The following SULF1 variants were observed in gnomAD, a reference collection of about 807,000 sequenced individuals.
The protein encoded by SULF1 is sulfatase 1.
Under a neutral mutation model 110.5 loss-of-function variants are expected in SULF1, and 46 were observed. The observed-to-expected ratio is 0.42, with a 90% confidence interval of 0.33 to 0.53. The LOEUF (loss-of-function observed/expected upper bound fraction) is 0.53, where lower values mean the gene tolerates loss of function less well. Among genes scored for constraint, SULF1 ranks in the 20% least tolerant of loss-of-function variants. SULF1 has a pLI of 0.12. For missense variants in SULF1, 941 were observed against 1,094.2 expected (o/e 0.86, Z 1.98); for synonymous variants, 371 against 387.1 (o/e 0.96, Z 0.49).
At chr8:69,619,523 G>C (rs537716060) in intron 13 of SULF1, among the ~76,000 whole-genome samples, 16 of 152,326 alleles carry the variant, frequency 1.1e-4, no homozygotes, top group African/African-American at 3.8e-4. Context: ...TTAGTCCAGA[G>C]GCAATGTCAT....
At position 69,603,132 on chromosome 8, in the gene SULF1, C is replaced by T. The variant is rs913670948; in HGVS notation, c.1062-60C>T. On this transcript the variant is annotated intron_variant, in intron 10 of 22. Transcript: ENST00000402687. Reference sequence around the variant, plus strand: ...TGAGTCACTGCTGTAGAAAAAGCAGCCCTAAGTGCCACCTTCCCCTGGCAT... The same window carrying T: ...TGAGTCACTGCTGTAGAAAAAGCAGTCCTAAGTGCCACCTTCCCCTGGCAT... 7 of 1,606,650 alleles carry T rather than the reference C, an allele frequency of 4.4e-6. No individual in the cohort carries two copies. The African/African-American group carries it at 6.7e-5, about 15-fold the overall frequency.
chr8:69,559,638 C>A (rs888846011), intron 3 of SULF1, among the ~76,000 whole-genome samples: 4 of 152,146 alleles, frequency 2.6e-5, no homozygotes, highest in South Asian at 2.1e-4. Flanking sequence ...CTAAAAAATT[C>A]TTTTAAGTAA....
chr8:69,499,127 G>T (rs1277093810), intron 2 of SULF1, among the ~76,000 whole-genome samples: 1 of 152,134 alleles, frequency 6.6e-6, no homozygotes, highest in Admixed American at 6.5e-5. Flanking sequence ...CCAAACTGCT[G>T]GGATTACAGG....
chr8:69,624,060 A>T lies in SULF1; in HGVS notation c.1713A>T (p.Arg571Ser). 1 of 1,614,206 alleles carries T rather than the reference A, an allele frequency of 6.2e-7. No homozygotes were observed. Among genetic ancestry groups the T allele is most frequent in the South Asian group, 1.1e-5 (1 of 91,080 alleles). Reference protein sequence around the residue: ...EEEELQVLQPRNIAKRHDEGH... With the variant: ...EEEELQVLQPSNIAKRHDEGH... ...AAGAATTGCAAGTGTTGCAACCAAG[A>T]AACATTGCTAAGCGTCATGATGAAG... is the stretch of plus-strand genomic sequence containing the variant. The change falls in exon 15 of 23, where the codon AGA (arginine) becomes AGT (serine). Residue 571 changes from arginine (R) to serine (S), a missense_variant. Arg to Ser is a moderately radical substitution (Grantham distance 110). Around this residue, in one of 3 missense-constraint regions of SULF1, gnomAD observed 822 missense variants for 934.3 expected, o/e 0.88. Coordinates refer to ENST00000402687, the MANE Select transcript of SULF1 (RefSeq NM_001128205.2).
chr8:69,527,040 T>C (rs940846896), intron 3 of SULF1, among the ~76,000 whole-genome samples: 1 of 152,166 alleles, frequency 6.6e-6, no homozygotes, highest in African/African-American at 2.4e-5. Context: ...AATAATAAAA[T>C]GTCGGTGTGA....
At chr8:69,618,630 G>A (rs577138867) in intron 13 of SULF1, among the ~76,000 whole-genome samples, 5 of 152,228 alleles carry the variant, frequency 3.3e-5, no homozygotes, top group South Asian at 2.1e-4. Flanking sequence ...GGATGAAGAT[G>A]CTAAACGTTC....
intron 3 of SULF1, among the ~76,000 whole-genome samples, chr8:69,553,479 C>T (rs1336414484): frequency 6.6e-6 from 1 of 152,194 alleles, no homozygotes; most frequent in African/African-American, 2.4e-5. Flanking sequence ...CCCTGGTAAA[C>T]TTTGCAGGCA....
chr8:69,627,414 T>G, intron 16 of SULF1, 108 bp downstream of exon 16: 1 of 722,688 alleles, frequency 1.4e-6, no homozygotes, highest in South Asian at 1.8e-5. Flanking sequence ...TCTATAATTA[T>G]GTGAAAAAAT....
intron 19 of SULF1, among the ~76,000 whole-genome samples, chr8:69,632,977 GATTGTACT>G (rs1194705190): frequency 6.6e-6 from 1 of 150,844 alleles, no homozygotes; most frequent in Admixed American, 6.6e-5. Flanking sequence ...AGTGAGCCAT[GATTGTACT>G]CCAGCCTGGG....
chr8:69,525,126 A>G (rs1387243464), intron 3 of SULF1, among the ~76,000 whole-genome samples: 1 of 152,180 alleles, frequency 6.6e-6, no homozygotes, highest in East Asian at 1.9e-4. Context: ...TCCTGGTGAC[A>G]GGTCAGAGGA....
intron 19 of SULF1, among the ~76,000 whole-genome samples, chr8:69,631,290 A>G (rs570823512): frequency 5.9e-5 from 9 of 152,168 alleles, no homozygotes; most frequent in African/African-American, 2.2e-4. Flanking sequence ...TCTGCTTTTT[A>G]TCATCTGAGT....
intron 8 of SULF1, among the ~76,000 whole-genome samples, chr8:69,589,529 G>T (rs1173833440): frequency 6.6e-6 from 1 of 152,214 alleles, no homozygotes; most frequent in Admixed American, 6.5e-5. Flanking sequence ...CTCTGGTCTG[G>T]TTATAGAAAC....
chr8:69,481,202 G>A (rs1237134442), intron 1 of SULF1, among the ~76,000 whole-genome samples: 1 of 151,960 alleles, frequency 6.6e-6, no homozygotes, highest in Admixed American at 6.6e-5. Flanking sequence ...TAGGTTATTG[G>A]TCATATTTCA....
rs117577135 is a variant in SULF1, at chr8:69,496,701, A to C, written c.-229+775A>C. 6.8e-3 allele frequency among the ~76,000 whole-genome samples: 1,041 copies of C among 152,344 alleles called. 7 individuals carry two copies. Among genetic ancestry groups the C allele is most frequent in the Non-Finnish European group, 0.011 (766 of 68,032 alleles). On this transcript the variant is annotated intron_variant, in intron 2 of 22. Coordinates refer to ENST00000402687, the MANE Select transcript of SULF1 (RefSeq NM_001128205.2). ...CACATTTAGGTTACTCAAGCCATTT[A>C]AACTTGGCTTCATAAGCAAGTACTA...
chr8:69,553,744 A>G (rs1814887925), intron 3 of SULF1, among the ~76,000 whole-genome samples: 1 of 152,190 alleles, frequency 6.6e-6, no homozygotes. Context: ...CAAATTTTAT[A>G]TATACCCTAA....
At chr8:69,497,712 T>G (rs1430259209) in intron 2 of SULF1, among the ~76,000 whole-genome samples, 1 of 152,200 alleles carries the variant, frequency 6.6e-6, no homozygotes, top group Non-Finnish European at 1.5e-5. Context: ...TTGATGAGTT[T>G]ACAAAGTTTC....
intron 13 of SULF1, among the ~76,000 whole-genome samples, chr8:69,617,005 G>C (rs1026621805): frequency 6.6e-6 from 1 of 152,118 alleles, no homozygotes; most frequent in African/African-American, 2.4e-5. Flanking sequence ...GCTAGAGGCA[G>C]AGATCATCCA....
At chr8:69,581,679 G>A (rs1806072345) in intron 6 of SULF1, among the ~76,000 whole-genome samples, 1 of 152,222 alleles carries the variant, frequency 6.6e-6, no homozygotes, top group Non-Finnish European at 1.5e-5. Flanking sequence ...GGGCAAGAAA[G>A]CTAAATTCAC....
chr8:69,622,424 C>CA (rs557244756), intron 14 of SULF1, among the ~76,000 whole-genome samples: 9 of 151,752 alleles, frequency 5.9e-5, no homozygotes, highest in South Asian at 2.1e-4. Flanking sequence ...ACTAAAATTA[C>CA]AAAAAAAATT....
Sources: allele counts gnomAD v4.1 joint callset (sites outside exome capture counted in the v4.1 genomes callset), GRCh38; gene constraint gnomAD v4.1.1; regional missense constraint gnomAD v4.1.1; transcripts MANE v1.5; gene names NCBI Gene and HGNC (gene_info 2026-07-23, HGNC 2026-07-21).